Variants in BBX observed in about 807,000 individuals in gnomAD.
BBX encodes HMG box transcription factor BBX.
In BBX, 30 loss-of-function variants were observed where a neutral mutation model predicts 100.2. That is an observed-to-expected ratio of 0.30 (90% CI 0.22 to 0.41). The LOEUF is 0.41. Ranked by LOEUF, BBX falls within the 10% of genes least tolerant of loss-of-function variation. BBX has a pLI of 1.00. For missense variants in BBX, 1,023 were observed against 1,129.8 expected (o/e 0.91, Z 1.35); for synonymous variants, 376 against 388.1 (o/e 0.97, Z 0.37).
Position 107,567,658 on chromosome 3 carries a change from G to A in BBX, c.-84+41260G>A, listed in dbSNP as rs191975029. On this transcript the variant is annotated intron_variant, in intron 2 of 17. Transcript: ENST00000325805. ...TTTTAGGTGTATCTTTTACGGATAT[G>A]GACATAGCTGGGTTTTACTTTTTGG... is the stretch of plus-strand genomic sequence containing the variant. Among the ~76,000 whole-genome samples, 72 of 152,128 alleles carry A rather than the reference G, an allele frequency of 4.7e-4. 2 individuals carry two copies. The East Asian group carries it at 6.2e-3, about 13-fold the overall frequency.
At chr3:107,534,998 ACTTTATTT>A (rs2048393539) in intron 2 of BBX, among the ~76,000 whole-genome samples, 1 of 152,130 alleles carries the variant, frequency 6.6e-6, no homozygotes, top group Non-Finnish European at 1.5e-5. Context: ...TGTTTTTATT[ACTTTATTT>A]TTCACAACAA....
intron 10 of BBX, among the ~76,000 whole-genome samples, chr3:107,761,103 T>C (rs2065865822): frequency 6.6e-6 from 1 of 152,180 alleles, no homozygotes; most frequent in African/African-American, 2.4e-5. Flanking sequence ...CCCTCCTTTA[T>C]ACCTGACCGC....
At position 107,798,704 on chromosome 3, in the gene BBX, A is replaced by C. The variant is rs764968691; in HGVS notation, c.2535A>C (p.Pro845=). ...GGACAGCAGATGGCCGGGTATCACCAGCAGGAGGTACTTTGGGTAAGAAGA... is the reference window on the plus strand; with the variant it reads ...GGACAGCAGATGGCCGGGTATCACCCGCAGGAGGTACTTTGGGTAAGAAGA... ...LVRTADGRVS[P]AGGTLDDKPK... The change falls in exon 16 of 18, where the codon CCA becomes CCC. Residue 845 remains proline (P), a synonymous_variant. Coordinates refer to ENST00000325805, the MANE Select transcript of BBX (RefSeq NM_001142568.3). 6.2e-7 allele frequency: 1 copy of C among 1,614,132 alleles called. No homozygotes were observed. Among genetic ancestry groups the C allele is most frequent in the Non-Finnish European group, 8.5e-7 (1 of 1,180,012 alleles).
chr3:107,703,018 A>G (rs886302462), intron 3 of BBX, among the ~76,000 whole-genome samples: 2 of 152,160 alleles, frequency 1.3e-5, no homozygotes, highest in Non-Finnish European at 2.9e-5. Flanking sequence ...ATCAATACGT[A>G]TGTGTTCAGC....
chr3:107,721,712 A>G (rs1215066143), intron 5 of BBX, among the ~76,000 whole-genome samples: 1 of 152,022 alleles, frequency 6.6e-6, no homozygotes, highest in African/African-American at 2.4e-5. Context: ...ATAAACATTT[A>G]AATGTTTATA....
intron 2 of BBX, among the ~76,000 whole-genome samples, chr3:107,635,715 C>CTT (rs780828594): frequency 1.2e-3 from 174 of 141,072 alleles, no homozygotes; most frequent in Non-Finnish European, 2.2e-3. Context: ...GTATTTTCAT[C>CTT]TTTTTTTTTT....
At chr3:107,545,438 G>A (rs141194165) in intron 2 of BBX, among the ~76,000 whole-genome samples, 13 of 152,298 alleles carry the variant, frequency 8.5e-5, no homozygotes, top group African/African-American at 2.6e-4. Flanking sequence ...AATCTTAAGT[G>A]GTAGCTAAAT....
intron 8 of BBX, among the ~76,000 whole-genome samples, chr3:107,746,431 G>C (rs1237686133): frequency 6.6e-6 from 1 of 152,110 alleles, no homozygotes; most frequent in Non-Finnish European, 1.5e-5. Context: ...AGAACACTTG[G>C]TTAGATCTTA....
In BBX at chr3:107,791,221, T is replaced by C; in HGVS notation, c.2294-19T>C. On this transcript the variant is annotated intron_variant, in intron 14 of 17. Transcript: ENST00000325805. The stretch of plus-strand genomic sequence containing the variant: ...GAGTAGAGTTTCACTTTTCTTTCCT[T>C]TTCTGTCATTGTTTTTAGGAAGTGG... 1 of 1,609,700 alleles carries C rather than the reference T, an allele frequency of 6.2e-7. No homozygotes were observed. Among genetic ancestry groups the C allele is most frequent in the Non-Finnish European group, 8.5e-7 (1 of 1,176,620 alleles).
chr3:107,529,101 T>C (rs937064376), intron 2 of BBX, among the ~76,000 whole-genome samples: 4 of 152,186 alleles, frequency 2.6e-5, no homozygotes, highest in Admixed American at 6.5e-5. Flanking sequence ...CCTGAAGTTA[T>C]TATTAGTGTC....
chr3:107,617,828 T>C (rs1281188901), intron 2 of BBX, among the ~76,000 whole-genome samples: 5 of 151,960 alleles, frequency 3.3e-5, no homozygotes, highest in South Asian at 2.1e-4. Context: ...TATCATGTCA[T>C]CTGTAAATAG....
At chr3:107,740,092 A>G (rs927434463) in intron 7 of BBX, among the ~76,000 whole-genome samples, 8 of 151,388 alleles carry the variant, frequency 5.3e-5, no homozygotes, top group Non-Finnish European at 8.8e-5. Context: ...GGAGAGCTCA[A>G]CTCTATGTGG....
chr3:107,580,976 C>CA (rs1360759538), intron 2 of BBX, among the ~76,000 whole-genome samples: 3 of 152,174 alleles, frequency 2.0e-5, no homozygotes, highest in African/African-American at 4.8e-5. Context: ...TGATTTTAGT[C>CA]AGTCTTCTGT....
intron 3 of BBX, among the ~76,000 whole-genome samples, chr3:107,661,205 C>A (rs1384478201): frequency 2.0e-5 from 3 of 151,832 alleles, no homozygotes; most frequent in Admixed American, 2.0e-4. Context: ...AATTCAGTGT[C>A]CCATAAGATA....
intron 8 of BBX, among the ~76,000 whole-genome samples, chr3:107,745,080 T>A (rs2064460393): frequency 2.0e-5 from 3 of 152,176 alleles, no homozygotes; most frequent in Admixed American, 6.6e-5. Flanking sequence ...GCTATGCAGC[T>A]AATCTATGCA....
chr3:107,728,789 A>C lies in BBX; in HGVS notation c.430A>C (p.Asn144His). The change falls in exon 6 of 18, where the codon AAT (asparagine) becomes CAT (histidine). Residue 144 changes from asparagine (N) to histidine (H), a missense_variant. Physicochemically the swap from Asn to His is moderately conservative, Grantham distance 68. This residue lies in a region of BBX where 229 missense variants were observed against 226.3 expected (regional missense o/e 1.01). Coordinates refer to ENST00000325805, the MANE Select transcript of BBX (RefSeq NM_001142568.3). Reference sequence around the variant, plus strand: ...GTATAAGGATGCATTTATGAAAGCAAATCCTGGCTACAAATGGTGTCCTAC... The same window carrying C: ...GTATAAGGATGCATTTATGAAAGCACATCCTGGCTACAAATGGTGTCCTAC... ...KEYKDAFMKA[N>H]PGYKWCPTTN... 1 of 1,613,296 alleles carries C rather than the reference A, an allele frequency of 6.2e-7. No individual in the cohort carries two copies. Among genetic ancestry groups the C allele is most frequent in the Non-Finnish European group, 8.5e-7 (1 of 1,179,616 alleles).
intron 5 of BBX, among the ~76,000 whole-genome samples, chr3:107,719,633 T>TA (rs1366335841): frequency 1.3e-5 from 2 of 152,058 alleles, no homozygotes; most frequent in Non-Finnish European, 1.5e-5. Context: ...ACTAGAGCAA[T>TA]AATTCATTAG....
At chr3:107,701,260 A>T (rs1245468442) in intron 3 of BBX, among the ~76,000 whole-genome samples, 1 of 152,016 alleles carries the variant, frequency 6.6e-6, no homozygotes, top group Non-Finnish European at 1.5e-5. Flanking sequence ...CAGTATGGGG[A>T]CATGATTGAA....
intron 15 of BBX, among the ~76,000 whole-genome samples, chr3:107,793,435 TC>T (rs2069266748): frequency 6.6e-6 from 1 of 152,132 alleles, no homozygotes; most frequent in African/African-American, 2.4e-5. Context: ...AAAACAGGAA[TC>T]AATTTGAGCA....
Sources: gnomAD v4.1 joint callset for allele counts (sites outside exome capture counted in the v4.1 genomes callset) on GRCh38, gnomAD v4.1.1 for gene constraint, gnomAD v4.1.1 regional missense constraint, MANE v1.5 for transcripts, NCBI Gene and HGNC (gene_info 2026-07-23, HGNC 2026-07-21) for gene names.